Variants in MIER1 observed in about 807,000 individuals in gnomAD.
The protein encoded by MIER1 is MIER1 transcriptional regulator.
Under a neutral mutation model 75.7 loss-of-function variants are expected in MIER1, and 40 were observed. The observed-to-expected ratio is 0.53, with a 90% CI of 0.41 to 0.69. The LOEUF (loss-of-function observed/expected upper bound fraction) is 0.69. MIER1 is among the 30% of genes least tolerant of loss of function. The pLI is 0.00. For missense variants in MIER1, 574 were observed against 680.2 expected (o/e 0.84, Z 1.74); for synonymous variants, 213 against 223.4 (o/e 0.95, Z 0.42).
chr1:66,966,346 C>A (rs1662396171), intron 8 of MIER1, among the ~76,000 whole-genome samples: 1 of 152,134 alleles, frequency 6.6e-6, no homozygotes, highest in Non-Finnish European at 1.5e-5. Flanking sequence ...TCATCCATAT[C>A]CCTACAAAGG....
Position 66,986,366 on chromosome 1 carries a change from T to C in MIER1, c.*1466T>C, listed in dbSNP as rs1460169199. ...GATAGACCAACCTATATCCAAACTT[T>C]TATAAAATATTAATTATTCTTGTTT... On this transcript the variant is annotated 3_prime_UTR_variant, in exon 14 of 14. Coordinates refer to ENST00000401041, the MANE Select transcript of MIER1 (RefSeq NM_001077700.3). 1 of 1,598,698 alleles carries C rather than the reference T, an allele frequency of 6.3e-7. No homozygotes were observed. The highest frequency in any genetic ancestry group is 8.5e-7 in the Non-Finnish European group (1 of 1,174,178).
At chr1:66,949,202 T>C (rs1282177334) in intron 4 of MIER1, among the ~76,000 whole-genome samples, 1 of 152,208 alleles carries the variant, frequency 6.6e-6, no homozygotes, top group Non-Finnish European at 1.5e-5. Context: ...ATATTCTATA[T>C]TAGCTAAAAT....
chr1:66,947,083 A>C, intron 4 of MIER1: 2 of 905,190 alleles, frequency 2.2e-6, no homozygotes, highest in Non-Finnish European at 2.6e-6. Context: ...TTATTTTAAA[A>C]AGCAGATTTT....
Position 66,986,047 on chromosome 1 carries a change from T to C in MIER1, c.*1147T>C, listed in dbSNP as rs186687923. On this transcript the variant is annotated 3_prime_UTR_variant, in exon 14 of 14. Coordinates refer to ENST00000401041, the MANE Select transcript of MIER1 (RefSeq NM_001077700.3). ...TAAAATTTCCCATTTCTGCATTAAA[T>C]AAACAGAGGAGGGGGGTCAAGTGAT... is the stretch of plus-strand genomic sequence containing the variant. The C allele has an allele frequency of 8.5e-5, 85 of 1,003,772 alleles. No homozygotes were observed. The South Asian group carries it at 2.0e-3, about 24-fold the overall frequency. The allele number at this position is 1,003,772 out of a possible 1,614,324, so 62.2% of individuals were successfully genotyped here.
intron 2 of MIER1, among the ~76,000 whole-genome samples, chr1:66,930,846 G>A (rs1000109274): frequency 5.3e-5 from 8 of 152,132 alleles, no homozygotes; most frequent in African/African-American, 1.9e-4. Context: ...TGTTAGTGGG[G>A]AAAACGTAAG....
intron 11 of MIER1, among the ~76,000 whole-genome samples, chr1:66,976,225 A>T (rs905586516): frequency 1.3e-5 from 2 of 151,326 alleles, no homozygotes; most frequent in Admixed American, 6.6e-5. Context: ...GCTGGTCTTG[A>T]ACTCCTGACC....
intron 4 of MIER1, among the ~76,000 whole-genome samples, chr1:66,950,466 A>G (rs1032007694): frequency 6.6e-6 from 1 of 152,268 alleles, no homozygotes; most frequent in African/African-American, 2.4e-5. Context: ...CTGTTTTCCA[A>G]ATGAACTCTT....
intron 2 of MIER1, chr1:66,930,446 C>G (rs757902555): frequency 5.6e-6 from 9 of 1,596,394 alleles, no homozygotes; most frequent in African/African-American, 5.4e-5. Flanking sequence ...CGGGCGCCCC[C>G]GGCCCTGGGC....
At chr1:66,943,228 G>A (rs1382997724) in intron 3 of MIER1, among the ~76,000 whole-genome samples, 1 of 151,986 alleles carries the variant, frequency 6.6e-6, no homozygotes, top group Non-Finnish European at 1.5e-5. Context: ...AAAAGGATTG[G>A]GACAGAAAAC....
intron 5 of MIER1, 63 bp from the exon 6 acceptor site, chr1:66,958,788 A>G (rs941285193): frequency 2.1e-5 from 28 of 1,354,450 alleles, no homozygotes; most frequent in Middle Eastern, 3.7e-4. Flanking sequence ...TTTATATGCT[A>G]TGGTCTTTCA....
chr1:66,945,395 G>A (rs1227886736), intron 3 of MIER1, among the ~76,000 whole-genome samples: 5 of 149,750 alleles, frequency 3.3e-5, no homozygotes, highest in Non-Finnish European at 7.4e-5. Context: ...AAAAACGCCT[G>A]TACGTGTTGA....
intron 8 of MIER1, among the ~76,000 whole-genome samples, chr1:66,969,949 T>G (rs1663268838): frequency 6.6e-6 from 1 of 152,226 alleles, no homozygotes; most frequent in African/African-American, 2.4e-5. Flanking sequence ...TTTTCAATTT[T>G]CATCCTCATC....
chr1:66,965,853 ATC>A (rs1284365518), intron 8 of MIER1, among the ~76,000 whole-genome samples: 3 of 152,124 alleles, frequency 2.0e-5, no homozygotes, highest in Admixed American at 2.0e-4. Context: ...CTTCTGCTGT[ATC>A]TCCATGGGTT....
intron 2 of MIER1, among the ~76,000 whole-genome samples, chr1:66,933,343 C>G (rs1336621591): frequency 6.6e-6 from 1 of 152,132 alleles, no homozygotes; most frequent in Non-Finnish European, 1.5e-5. Flanking sequence ...AAGGGACTTT[C>G]TTCTCAAGGA....
chr1:66,937,090 C>T (rs895461824), intron 2 of MIER1, among the ~76,000 whole-genome samples: 1 of 150,952 alleles, frequency 6.6e-6, no homozygotes, highest in African/African-American at 2.4e-5. Flanking sequence ...AGTTATTTCT[C>T]TAGAAGGTAC....
intron 2 of MIER1, among the ~76,000 whole-genome samples, chr1:66,934,976 G>A (rs186312997): frequency 9.2e-5 from 14 of 151,988 alleles, no homozygotes; most frequent in Non-Finnish European, 1.9e-4. Context: ...AGTAGATGAC[G>A]GCAATACTTA....
At chr1:66,937,467 C>G (rs932250123) in intron 2 of MIER1, among the ~76,000 whole-genome samples, 1 of 152,060 alleles carries the variant, frequency 6.6e-6, no homozygotes, top group Non-Finnish European at 1.5e-5. Flanking sequence ...CGCTTGTAAT[C>G]CCAGCTACTT....
At chr1:66,926,392 T>G (rs1440960285) in intron 2 of MIER1, 150 bp downstream of exon 2, 1 of 611,720 alleles carries the variant, frequency 1.6e-6, no homozygotes, top group Admixed American at 2.8e-5. Context: ...AAATAACATG[T>G]CATCAATGTA....
At chr1:66,955,336 GTTTTTTTTTTTTTT>G (rs34006160) in intron 4 of MIER1, among the ~76,000 whole-genome samples, 1 of 59,964 alleles carries the variant, frequency 1.7e-5, no homozygotes, top group African/African-American at 7.0e-5. Flanking sequence ...CATCACCTGA[GTTTTTTTTTTTTTT>G]TTTTTTTTTT....
Sources: allele counts gnomAD v4.1 joint callset (sites outside exome capture counted in the v4.1 genomes callset), GRCh38; gene constraint gnomAD v4.1.1; transcripts MANE v1.5; gene names NCBI Gene and HGNC (gene_info 2026-07-23, HGNC 2026-07-21).